GLB1: variants seen among roughly 807,000 people sequenced by gnomAD.
GLB1 encodes the protein beta-galactosidase.
A neutral mutation model predicts 74.0 loss-of-function variants in GLB1; 56 were observed. The observed-to-expected ratio is 0.76, with a 90% CI of 0.61 to 0.94. The LOEUF is 0.94. Among genes scored for constraint, GLB1 ranks in the 40% least tolerant of loss-of-function variants. The pLI, the probability that GLB1 is intolerant of heterozygous loss-of-function variation, is 0.00. For missense variants in GLB1, 787 were observed against 845.5 expected (o/e 0.93, Z 0.86); for synonymous variants, 323 against 323.6 (o/e 1.00, Z 0.02).
chr3:33,061,359 A>G (rs1252864671), intron 5 of GLB1, among the ~76,000 whole-genome samples: 1 of 152,212 alleles, frequency 6.6e-6, no homozygotes, highest in Admixed American at 6.5e-5. Flanking sequence ...GGTTGCCATG[A>G]GCAGAGATTG....
chr3:33,034,481 T>C, intron 10 of GLB1: 1 of 732,566 alleles, frequency 1.4e-6, no homozygotes, highest in Non-Finnish European at 2.5e-6. Context: ...GCACAGTGAC[T>C]GGGTTTGAGA....
chr3:33,035,353 G>A (rs948506354), intron 10 of GLB1, among the ~76,000 whole-genome samples: 10 of 152,140 alleles, frequency 6.6e-5, no homozygotes, highest in South Asian at 2.1e-4. Flanking sequence ...GACCGCTTGA[G>A]TCCAGGGGTT....
At chr3:32,982,308 C>T in the GLB1 span, among the ~76,000 whole-genome samples, 8 of 139,462 alleles carry the variant, frequency 5.7e-5, no homozygotes, top group East Asian at 2.1e-4. Context: ...AGCGAAACTC[C>T]GTCTCCAAAA....
At chr3:33,078,856 T>G (rs1017832665) in intron 1 of GLB1, among the ~76,000 whole-genome samples, 7 of 152,308 alleles carry the variant, frequency 4.6e-5, no homozygotes, top group African/African-American at 1.7e-4. Flanking sequence ...TTTTTAAGAT[T>G]TTTTGGATAC....
chr3:33,008,856 A>T (rs1696891182), intron 15 of GLB1, among the ~76,000 whole-genome samples: 1 of 152,190 alleles, frequency 6.6e-6, no homozygotes, highest in Admixed American at 6.5e-5. Flanking sequence ...GCAGTGGTTC[A>T]CGCCTGTAAT....
At chr3:33,069,082 G>A in intron 2 of GLB1, 112 bp from the exon 3 acceptor site, 1 of 1,573,166 alleles carries the variant, frequency 6.4e-7, no homozygotes, top group East Asian at 2.3e-5. Context: ...AGAGGGAGAA[G>A]GCGCTTTGAA....
intron 10 of GLB1, chr3:33,045,430 G>A: frequency 1.0e-6 from 1 of 985,226 alleles, no homozygotes; most frequent in Non-Finnish European, 1.2e-6. Flanking sequence ...ATAGTGTCCA[G>A]GTTCAAAATC....
At chr3:33,042,817 C>T (rs1243036759) in intron 10 of GLB1, among the ~76,000 whole-genome samples, 3 of 152,220 alleles carry the variant, frequency 2.0e-5, no homozygotes, top group Admixed American at 6.5e-5. Flanking sequence ...ACATGGCTCT[C>T]TCACCACCTT....
chr3:33,097,082 G>C lies in GLB1; in HGVS notation c.4C>G (p.Pro2Ala), dbSNP rs772539129. Reference sequence around the variant, plus strand: ...GGGAGGATGCGAACCAGGAACCCCGGCATGACCACCAGCCTCCCGGCTCTG... The same window carrying C: ...GGGAGGATGCGAACCAGGAACCCCGCCATGACCACCAGCCTCCCGGCTCTG... The part of the protein sequence containing the change: M[P>A]GFLVRILPLL... Residue 2 changes from proline to alanine, a missense_variant, in exon 1 of 16, where the codon CCG becomes GCG. Physicochemically the swap from Pro to Ala is conservative, Grantham distance 27. Transcript: ENST00000307363. 2 of 1,612,424 alleles carry C rather than the reference G, an allele frequency of 1.2e-6. No homozygotes were observed. Among genetic ancestry groups the C allele is most frequent in the African/African-American group, 2.7e-5 (2 of 74,814 alleles).
the GLB1 span, among the ~76,000 whole-genome samples, chr3:32,969,461 C>T: frequency 6.6e-6 from 1 of 152,100 alleles, no homozygotes; most frequent in Non-Finnish European, 1.5e-5. Context: ...TGATGCACTG[C>T]AAGGGGCACC....
intron 5 of GLB1, among the ~76,000 whole-genome samples, chr3:33,059,796 T>A (rs1699370708): frequency 6.6e-6 from 1 of 152,198 alleles, no homozygotes; most frequent in Admixed American, 6.5e-5. Flanking sequence ...ATGCTATATT[T>A]CATTTATAAA....
chr3:33,010,229 C>CGA (rs1183209322), intron 15 of GLB1, among the ~76,000 whole-genome samples: 2 of 152,172 alleles, frequency 1.3e-5, no homozygotes, highest in African/African-American at 4.8e-5. Flanking sequence ...ATTCCCTTTC[C>CGA]CCCATGTCCT....
intron 10 of GLB1, among the ~76,000 whole-genome samples, chr3:33,027,299 C>T (rs975720034): frequency 1.3e-5 from 2 of 152,260 alleles, no homozygotes; most frequent in African/African-American, 4.8e-5. Context: ...GCCAGCGTGT[C>T]TGACCGTGCA....
chr3:33,084,884 A>G (rs1230584689), intron 1 of GLB1, among the ~76,000 whole-genome samples: 1 of 152,232 alleles, frequency 6.6e-6, no homozygotes, highest in Admixed American at 6.5e-5. Flanking sequence ...TCATCTTAAT[A>G]ACCACATTGA....
chr3:33,012,204 C>T (rs1424288420), intron 15 of GLB1, among the ~76,000 whole-genome samples: 1 of 152,182 alleles, frequency 6.6e-6, no homozygotes, highest in Non-Finnish European at 1.5e-5. Flanking sequence ...TGGCCCAGAT[C>T]CCTGCCCTGA....
the GLB1 span, among the ~76,000 whole-genome samples, chr3:32,968,932 C>T: frequency 1.3e-5 from 2 of 152,202 alleles, no homozygotes; most frequent in African/African-American, 4.8e-5. Context: ...CACTAGCTGC[C>T]ACTGCCCTAC....
Position 33,012,287 on chromosome 3 carries a change from T to C in GLB1, c.1734+1769A>G, listed in dbSNP as rs528868192. Among the ~76,000 whole-genome samples, 11 of 152,344 alleles carry C rather than the reference T, an allele frequency of 7.2e-5. No homozygotes were observed. The East Asian group carries it at 2.1e-3, about 29-fold the overall frequency. On this transcript the variant is annotated intron_variant, in intron 15 of 15. Coordinates refer to ENST00000307363, the MANE Select transcript of GLB1 (RefSeq NM_000404.4). ...CAGCCATTCTCCAAGGCCTCTGCTA[T>C]GGTCTGAATGTTTGTGTCCACCCAA...
intron 4 of GLB1, among the ~76,000 whole-genome samples, chr3:33,066,026 T>C (rs77355992): frequency 0.099 from 14,952 of 151,534 alleles, 904 homozygotes; most frequent in East Asian, 0.31. Flanking sequence ...TGCAGCCTTA[T>C]TACACCAGGG....
chr3:33,010,470 CT>C (rs1696975925), intron 15 of GLB1, among the ~76,000 whole-genome samples: 1 of 152,110 alleles, frequency 6.6e-6, no homozygotes, highest in South Asian at 2.1e-4. Context: ...TTCTTTGCTC[CT>C]TTTGTGACTG....
Sources: allele counts gnomAD v4.1 joint callset (sites outside exome capture counted in the v4.1 genomes callset), GRCh38; gene constraint gnomAD v4.1.1; transcripts MANE v1.5; gene names NCBI Gene and HGNC (gene_info 2026-07-23, HGNC 2026-07-21).